PRKDC: variants seen among roughly 807,000 people sequenced by gnomAD.
PRKDC encodes protein kinase, DNA-activated, catalytic subunit.
Under a neutral mutation model 486.9 loss-of-function variants are expected in PRKDC, and 82 were observed. The ratio of observed to expected loss-of-function variants is 0.17; its 90% confidence interval spans 0.14 to 0.20. The LOEUF (loss-of-function observed/expected upper bound fraction) is 0.20. PRKDC is among the 10% of genes least tolerant of loss of function. PRKDC has a pLI of 1.00. For synonymous variants in PRKDC, 1,895 were observed against 1,837.0 expected (o/e 1.03, Z -0.81); for missense variants, 4,504 against 5,038.2 (o/e 0.89, Z 3.21).
intron 49 of PRKDC, 53 bp from the exon 50 acceptor site, chr8:47,855,426 C>T (rs188032669): frequency 1.4e-6 from 2 of 1,467,328 alleles, no homozygotes; most frequent in African/African-American, 1.4e-5. Context: ...TTCTGGAAAG[C>T]ATTTTTTAAC....
At chr8:47,850,153 G>A (rs1193825441) in intron 52 of PRKDC, among the ~76,000 whole-genome samples, 1 of 152,140 alleles carries the variant, frequency 6.6e-6, no homozygotes, top group Non-Finnish European at 1.5e-5. Flanking sequence ...CCTCCACACA[G>A]AGAAGTACTC....
rs755044476 is a variant in PRKDC, at chr8:47,889,220, G to T, written c.4074C>A (p.Leu1358=). The T allele has an allele frequency of 1.3e-6, 2 of 1,598,488 alleles. No homozygotes were observed. Among genetic ancestry groups the T allele is most frequent in the Non-Finnish European group, 1.7e-6 (2 of 1,172,012 alleles). ...LLNTSPEGWK[L]LKKDLCNTHL... ...GTGTATTACACAAGTCCTTCTTCAG[G>T]AGCTGTAACAGATTGTTTGATAAAA... Residue 1358 remains leucine, a splice_region_variant and synonymous_variant, in exon 33 of 86, where the codon CTC becomes CTA. Coordinates refer to ENST00000314191, the MANE Select transcript of PRKDC (RefSeq NM_006904.7).
rs576869339 is a variant in PRKDC, at chr8:47,910,168, C to A, written c.2934+2242G>T. ...CTTAGGGAAAATAGAAAAGAACCTA[C>A]GTTGAAATACTGGGGGCTGGTTCCC... On this transcript the variant is annotated intron_variant, in intron 25 of 85. Coordinates refer to ENST00000314191, the MANE Select transcript of PRKDC (RefSeq NM_006904.7). Among the ~76,000 whole-genome samples, 9 of 152,206 alleles carry A rather than the reference C, an allele frequency of 5.9e-5. No individual in the cohort carries two copies. The South Asian group carries it at 1.4e-3, about 25-fold the overall frequency.
chr8:47,953,487 C>T, intron 7 of PRKDC, 133 bp downstream of exon 7: 2 of 865,660 alleles, frequency 2.3e-6, no homozygotes, highest in South Asian at 1.5e-5. Context: ...GGAGGGCCCA[C>T]AGGTCCCTCT....
chr8:47,817,514 T>C lies in PRKDC; in HGVS notation c.9493A>G (p.Thr3165Ala). The C allele has an allele frequency of 6.2e-7, 1 of 1,607,578 alleles. No homozygotes were observed. ...VPLKRLLNTW[T>A]NRYPDAKMDP... ...ATTTTAGCATCTGGATATCTGTTTG[T>C]CCAGGTGTTCAGAAGTCTCTTAAGG... The change falls in exon 68 of 86, where the codon ACA (threonine) becomes GCA (alanine). Residue 3165 changes from threonine (T) to alanine (A), a missense_variant. Around this residue, in one of 6 missense-constraint regions of PRKDC, gnomAD observed 1,592 missense variants for 1,724.6 expected, o/e 0.92. Coordinates refer to ENST00000314191, the MANE Select transcript of PRKDC (RefSeq NM_006904.7).
intron 49 of PRKDC, 63 bp from the exon 50 acceptor site, chr8:47,855,436 C>A (rs2088513411): frequency 1.4e-5 from 20 of 1,443,484 alleles, no homozygotes; most frequent in Admixed American, 2.7e-5. Context: ...CATTTTTTAA[C>A]TCAAGTTCAT....
chr8:47,854,223 T>C lies in PRKDC; in HGVS notation c.6762-9A>G. On this transcript the variant is annotated splice_polypyrimidine_tract_variant and intron_variant, in intron 50 of 85. Transcript: ENST00000314191. ...ACTTTTCAAATATTAACCTGAAACA[T>C]AAGCACAAAGGAGAAAATTGAGACT... The C allele has an allele frequency of 1.2e-6, 2 of 1,611,810 alleles. No homozygotes were observed. The highest frequency in any genetic ancestry group is 1.1e-5 in the South Asian group (1 of 91,034).
rs77912982 is a variant in PRKDC at position 47,857,168 on chromosome 8, C to T, written c.6597G>A (p.Leu2199=). Residue 2199 remains leucine (L), a synonymous_variant, in exon 49 of 86, where the codon TTG becomes TTA. Transcript: ENST00000314191. ...CATCAATCCTTACTGTTGGAGTGGC[C>T]AAGCCTGTCCATGAAAGAATAGTGG... ...IVATILSWTG[L]ATPTGVPKDE... 1 of 1,613,498 alleles carries T rather than the reference C, an allele frequency of 6.2e-7. No individual in the cohort carries two copies. Among genetic ancestry groups the T allele is most frequent in the South Asian group, 1.1e-5 (1 of 90,958 alleles).
chr8:47,855,348 G>A lies in PRKDC; in HGVS notation c.6635C>T (p.Ala2212Val). 1 of 1,599,612 alleles carries A rather than the reference G, an allele frequency of 6.3e-7. No individual in the cohort carries two copies. The highest frequency in any genetic ancestry group is 1.1e-5 in the South Asian group (1 of 88,622). Residue 2212 changes from alanine to valine, a missense_variant, in exon 50 of 86, where the codon GCA (alanine) becomes GTA (valine). Physicochemically the swap from Ala to Val is moderately conservative, Grantham distance 64. Transcript: ENST00000314191. ...PTGVPKDEVLANRLLNFLMKH... is the reference protein window; with the variant it reads ...PTGVPKDEVLVNRLLNFLMKH... ...CATTAGGAAATTAAGCAATCGATTT[G>A]CTAACACTTCATCTTTAGGGACCCC...
At chr8:47,919,439 T>C (rs1336041356) in intron 21 of PRKDC, among the ~76,000 whole-genome samples, 1 of 152,224 alleles carries the variant, frequency 6.6e-6, no homozygotes, top group Non-Finnish European at 1.5e-5. Flanking sequence ...CTTTGACACA[T>C]GTTCATTTTT....
Position 47,830,601 on chromosome 8 carries a change from T to C in PRKDC, c.8397+4A>G, listed in dbSNP as rs754219401. 1 of 1,612,900 alleles carries C rather than the reference T, an allele frequency of 6.2e-7. No homozygotes were observed. The highest frequency in any genetic ancestry group is 8.5e-7 in the Non-Finnish European group (1 of 1,179,286). ...CAACAGAAAACGCAGCGGCAAAAAC[T>C]GACCTGGGCCACGGCCTGTAACGGG... On this transcript the variant is annotated splice_donor_region_variant and intron_variant, in intron 61 of 85. Coordinates refer to ENST00000314191, the MANE Select transcript of PRKDC (RefSeq NM_006904.7).
chr8:47,889,147 C>T lies in PRKDC; in HGVS notation c.4147G>A (p.Gly1383Ser), dbSNP rs1169106240. The change falls in exon 33 of 86, where the codon GGT (glycine) becomes AGT (serine). Residue 1383 changes from glycine to serine, a missense_variant. Coordinates refer to ENST00000314191, the MANE Select transcript of PRKDC (RefSeq NM_006904.7). The stretch of plus-strand genomic sequence containing the variant: ...ACCTGGACGTCTCCGATGTTGAAAC[C>T]TATGCTTGCGGGCTCACACAGCGTC... ...VQTLCEPASI[G>S]FNIGDVQVMA... 1 of 1,613,968 alleles carries T rather than the reference C, an allele frequency of 6.2e-7. No individual in the cohort carries two copies. The highest frequency in any genetic ancestry group is 8.5e-7 in the Non-Finnish European group (1 of 1,179,896).
intron 54 of PRKDC, among the ~76,000 whole-genome samples, chr8:47,845,060 C>CA (rs1173028836): frequency 6.6e-6 from 1 of 151,916 alleles, no homozygotes; most frequent in Non-Finnish European, 1.5e-5. Context: ...ACTTAAAATA[C>CA]AAAAAAATTA....
chr8:47,783,882 A>G (rs1434744358), intron 77 of PRKDC, 73 bp from the exon 78 acceptor site: 14 of 1,434,778 alleles, frequency 9.8e-6, no homozygotes, highest in Non-Finnish European at 1.4e-5. Context: ...ATGCCTCTTG[A>G]TCTACTTTTT....
chr8:47,894,963 C>A (rs1198576617), intron 30 of PRKDC, among the ~76,000 whole-genome samples: 1 of 152,146 alleles, frequency 6.6e-6, no homozygotes, highest in Non-Finnish European at 1.5e-5. Flanking sequence ...GTGTTCCCAG[C>A]TACTCATGAG....
chr8:47,862,598 G>A (rs1176946997), intron 42 of PRKDC, 57 bp from the exon 43 acceptor site: 10 of 1,480,304 alleles, frequency 6.8e-6, no homozygotes, highest in African/African-American at 1.4e-5. Context: ...CACTGCTCAA[G>A]CCCAACAATG....
intron 21 of PRKDC, among the ~76,000 whole-genome samples, chr8:47,924,180 T>C (rs1212331390): frequency 6.6e-6 from 1 of 152,160 alleles, no homozygotes; most frequent in African/African-American, 2.4e-5. Flanking sequence ...TTTCCGGATG[T>C]TCTATAAAAT....
At chr8:47,800,758 C>G in intron 71 of PRKDC, 35 bp downstream of exon 71, 1 of 1,552,912 alleles carries the variant, frequency 6.4e-7, no homozygotes, top group Non-Finnish European at 8.7e-7. Context: ...AAGACATACA[C>G]AGCACACTAG....
chr8:47,811,870 G>A (rs1189647071), intron 68 of PRKDC, among the ~76,000 whole-genome samples: 4 of 152,102 alleles, frequency 2.6e-5, no homozygotes, highest in African/African-American at 9.7e-5. Flanking sequence ...CCGGCTACTC[G>A]GGAGGCTGAG....
Sources: gnomAD v4.1 joint callset for allele counts (sites outside exome capture counted in the v4.1 genomes callset) on GRCh38, gnomAD v4.1.1 for gene constraint, gnomAD v4.1.1 regional missense constraint, MANE v1.5 for transcripts, NCBI Gene and HGNC (gene_info 2026-07-23, HGNC 2026-07-21) for gene names.